TMEM170B: variants seen among roughly 807,000 people sequenced by gnomAD.
TMEM170B encodes the protein transmembrane protein 170B.
A neutral mutation model predicts 13.0 loss-of-function variants in TMEM170B; 6 were observed. That is an observed-to-expected ratio of 0.46 (90% CI 0.25 to 0.91). The LOEUF (loss-of-function observed/expected upper bound fraction) is 0.91. Ranked by LOEUF, TMEM170B falls within the 40% of genes least tolerant of loss-of-function variation. The pLI is 0.17. For missense variants in TMEM170B, 138 were observed against 165.2 expected, an observed-to-expected ratio of 0.84 and a Z score of 0.90; for synonymous variants, 61 against 64.9, an observed-to-expected ratio of 0.94 and a Z score of 0.29.
At chr6:11,550,598 C>T (rs578186649) in intron 1 of TMEM170B, among the ~76,000 whole-genome samples, 1 of 152,090 alleles carries the variant, frequency 6.6e-6, no homozygotes, top group Non-Finnish European at 1.5e-5. Context: ...AGAAATTTTA[C>T]TTTTAGTAGT....
chr6:11,567,852 T>C (rs1204374502), intron 2 of TMEM170B, among the ~76,000 whole-genome samples: 6 of 152,200 alleles, frequency 3.9e-5, no homozygotes, highest in African/African-American at 1.2e-4. Flanking sequence ...TCTGGGAAGT[T>C]TGGGCTTTAT....
At chr6:11,573,458 G>T (rs1759831213) in intron 2 of TMEM170B, among the ~76,000 whole-genome samples, 1 of 152,144 alleles carries the variant, frequency 6.6e-6, no homozygotes, top group African/African-American at 2.4e-5. Context: ...ACTGTTTTAA[G>T]CACTTGACAA....
intron 1 of TMEM170B, among the ~76,000 whole-genome samples, chr6:11,562,177 T>C (rs12194303): frequency 0.058 from 8,779 of 152,134 alleles, 271 homozygotes; most frequent in East Asian, 0.16. Context: ...ACCCCCATAT[T>C]CTACTCCCTT....
At chr6:11,562,767 T>C (rs888727199) in intron 1 of TMEM170B, among the ~76,000 whole-genome samples, 4 of 152,170 alleles carry the variant, frequency 2.6e-5, no homozygotes, top group African/African-American at 9.7e-5. Flanking sequence ...GTATTTCTTC[T>C]ACACTTGTAC....
In TMEM170B at chr6:11,576,206, T is replaced by G. The variant is rs1480528907; in HGVS notation, c.*645T>G. 1 of 152,242 alleles carries G rather than the reference T, an allele frequency of 6.6e-6. No homozygotes were observed. Among genetic ancestry groups the G allele is most frequent in the East Asian group, 1.9e-4 (1 of 5,200 alleles). The allele number at this position is 152,242 out of a possible 1,614,324, so 9.4% of individuals were successfully genotyped here. A position where few individuals can be genotyped will look rare whatever the true frequency, so the allele number is the denominator to read the frequency against. On this transcript the variant is annotated 3_prime_UTR_variant, in exon 3 of 3. Coordinates refer to ENST00000379426, the MANE Select transcript of TMEM170B (RefSeq NM_001100829.3). The stretch of plus-strand genomic sequence containing the variant: ...CTTAACTGAAGACTAGCTCAACTGT[T>G]TTAAGAACTCAGAGTAGCTCTATAG...
At chr6:11,553,141 A>C (rs1759547184) in intron 1 of TMEM170B, among the ~76,000 whole-genome samples, 2 of 152,136 alleles carry the variant, frequency 1.3e-5, no homozygotes, top group Admixed American at 6.5e-5. Context: ...GCATATACCA[A>C]AATCCTGCAG....
At chr6:11,552,304 A>G (rs1759535922) in intron 1 of TMEM170B, among the ~76,000 whole-genome samples, 1 of 152,076 alleles carries the variant, frequency 6.6e-6, no homozygotes, top group Non-Finnish European at 1.5e-5. Flanking sequence ...GATAACCCAG[A>G]TTTTTTTTAA....
chr6:11,563,506 G>A (rs917458909), intron 1 of TMEM170B, among the ~76,000 whole-genome samples: 7 of 152,154 alleles, frequency 4.6e-5, no homozygotes, highest in South Asian at 4.1e-4. Context: ...TCCCAGAAAC[G>A]ACTCCCATTT....
chr6:11,540,980 T>C (rs1398255695), intron 1 of TMEM170B, among the ~76,000 whole-genome samples: 5 of 152,204 alleles, frequency 3.3e-5, no homozygotes. Flanking sequence ...GGAATCTTTT[T>C]TTTTTCTGAG....
rs1052370082 is a variant in TMEM170B at position 11,537,905 on chromosome 6, C to T, written c.-373C>T. On this transcript the variant is annotated 5_prime_UTR_variant, in exon 1 of 3. Transcript: ENST00000379426. ...CATCAGCACCGGCCTCCTGGCGTGA[C>T]CTCGGCCTCCTCGCGTGTCCAGTCC... is the stretch of plus-strand genomic sequence containing the variant. 6.6e-6 allele frequency among the ~76,000 whole-genome samples: 1 copy of T among 151,700 alleles called. No homozygotes were observed. The highest frequency in any genetic ancestry group is 1.5e-5 in the Non-Finnish European group (1 of 67,852).
At chr6:11,551,389 C>T (rs966746492) in intron 1 of TMEM170B, among the ~76,000 whole-genome samples, 1 of 152,104 alleles carries the variant, frequency 6.6e-6, no homozygotes, top group African/African-American at 2.4e-5. Context: ...GGTAGGGACT[C>T]TTGAAGGCCT....
chr6:11,542,979 G>T (rs547495195), intron 1 of TMEM170B, among the ~76,000 whole-genome samples: 60 of 152,186 alleles, frequency 3.9e-4, no homozygotes, highest in Non-Finnish European at 7.1e-4. Flanking sequence ...GACTGAGCTG[G>T]GCTTTAGACC....
chr6:11,561,937 G>A (rs1028515958), intron 1 of TMEM170B, among the ~76,000 whole-genome samples: 1 of 152,132 alleles, frequency 6.6e-6, no homozygotes, highest in Non-Finnish European at 1.5e-5. Flanking sequence ...TACATATTCA[G>A]TAGTCAAACA....
At chr6:11,565,062 C>T (rs914688374) in intron 1 of TMEM170B, among the ~76,000 whole-genome samples, 5 of 152,108 alleles carry the variant, frequency 3.3e-5, no homozygotes, top group Non-Finnish European at 5.9e-5. Flanking sequence ...TGTCAGTGAA[C>T]AGTCGATTGA....
intron 1 of TMEM170B, among the ~76,000 whole-genome samples, chr6:11,562,119 C>T (rs1304970909): frequency 6.6e-6 from 1 of 152,106 alleles, no homozygotes; most frequent in Non-Finnish European, 1.5e-5. Context: ...AGAGCCTTTC[C>T]TTGTCTCAGG....
chr6:11,581,155 C>T lies in TMEM170B; in HGVS notation c.*5594C>T, dbSNP rs1009403627. 1.3e-5 allele frequency: 2 copies of T among 152,136 alleles called. No homozygotes were observed. The highest frequency in any genetic ancestry group is 2.4e-5 in the African/African-American group (1 of 41,424). 9.4% of individuals were successfully genotyped at this position (152,136 alleles called of 1,614,324 possible). ...GCTATGAACTATAATCATCTCTTCC[C>T]CTGAGTTTAGGGAAGTTGTTTTCAC... On this transcript the variant is annotated 3_prime_UTR_variant, in exon 3 of 3. Transcript: ENST00000379426.
At chr6:11,538,512 G>A in intron 1 of TMEM170B, 138 bp downstream of exon 1, 1 of 648,922 alleles carries the variant, frequency 1.5e-6, no homozygotes, top group South Asian at 2.0e-5. Context: ...CGGCGAGGAA[G>A]GTGTTAATCG....
At chr6:11,544,128 C>T (rs925215782) in intron 1 of TMEM170B, among the ~76,000 whole-genome samples, 2 of 152,128 alleles carry the variant, frequency 1.3e-5, no homozygotes, top group Non-Finnish European at 2.9e-5. Flanking sequence ...CTCTGCCTTT[C>T]CTTTTTCTCC....
Position 11,575,677 on chromosome 6 carries a change from A to C in TMEM170B, c.*116A>C. On this transcript the variant is annotated 3_prime_UTR_variant, in exon 3 of 3. Coordinates refer to ENST00000379426, the MANE Select transcript of TMEM170B (RefSeq NM_001100829.3). The surrounding 1 kb of genome is among the most constrained non-coding windows in gnomAD (Gnocchi z 4.1). ...GCAAGAATGTGGACTGAGCAGGTCA[A>C]AGCATAAGGAAGACCTTGAGCTGTG... 1.1e-5 allele frequency: 14 copies of C among 1,263,232 alleles called. No homozygotes were observed. The highest frequency in any genetic ancestry group is 1.6e-5 in the Non-Finnish European group (14 of 895,888). The allele number at this position is 1,263,232 out of a possible 1,614,324, so 78.3% of individuals were successfully genotyped here. A position where few individuals can be genotyped will look rare whatever the true frequency, so the allele number is the denominator to read the frequency against.
Sources: allele counts gnomAD v4.1 joint callset (sites outside exome capture counted in the v4.1 genomes callset), GRCh38; gene constraint gnomAD v4.1.1; non-coding constraint Gnocchi (gnomAD v3.1); transcripts MANE v1.5; gene names NCBI Gene and HGNC (gene_info 2026-07-23, HGNC 2026-07-21).